Variants in MBOAT2 observed in about 807,000 individuals in gnomAD.
The protein encoded by MBOAT2 is membrane-bound glycerophospholipid O-acyltransferase 2.
Under a neutral mutation model 63.4 loss-of-function variants are expected in MBOAT2, and 28 were observed. The observed-to-expected ratio is 0.44, with a 90% CI of 0.33 to 0.61. The LOEUF (loss-of-function observed/expected upper bound fraction) is 0.61. Ranked by LOEUF, MBOAT2 falls within the 20% of genes least tolerant of loss-of-function variation. The pLI is 0.03. For missense variants in MBOAT2, 470 were observed against 605.8 expected, an observed-to-expected ratio of 0.78 and a Z score of 2.35; for synonymous variants, 211 against 215.6, an observed-to-expected ratio of 0.98 and a Z score of 0.19.
chr2:8,961,672 T>C (rs1350713384), intron 1 of MBOAT2, among the ~76,000 whole-genome samples: 1 of 152,236 alleles, frequency 6.6e-6, no homozygotes, highest in Non-Finnish European at 1.5e-5. Flanking sequence ...GTAACTGGTT[T>C]TCCTTTTGGT....
chr2:8,943,261 ATAC>A lies in MBOAT2; in HGVS notation c.222_224del (p.Trp74_Tyr75delinsCys). ...CACTTTGTACAAGAAAGTGTAAGGC[ATAC>A]CTATAAAAAGTAAGAGCACTATTAG... is the stretch of plus-strand genomic sequence containing the variant. On this transcript the variant is annotated inframe_deletion and splice_region_variant, in exon 3 of 13. Coordinates refer to ENST00000305997, the MANE Select transcript of MBOAT2 (RefSeq NM_138799.4). The A allele has an allele frequency of 6.4e-7, 1 of 1,557,560 alleles. No homozygotes were observed.
At chr2:8,886,818 A>G (rs889097927) in intron 5 of MBOAT2, among the ~76,000 whole-genome samples, 2 of 152,198 alleles carry the variant, frequency 1.3e-5, no homozygotes, top group Non-Finnish European at 2.9e-5. Context: ...GTGTCACAGG[A>G]GTAATCTGTT....
intron 3 of MBOAT2, among the ~76,000 whole-genome samples, chr2:8,938,435 T>A (rs1394345788): frequency 6.6e-6 from 1 of 152,140 alleles, no homozygotes; most frequent in Non-Finnish European, 1.5e-5. Context: ...TCAGGCTACT[T>A]ATTAAGGTGC....
intron 1 of MBOAT2, among the ~76,000 whole-genome samples, chr2:8,990,898 C>A (rs1671880872): frequency 6.6e-6 from 1 of 152,056 alleles, no homozygotes; most frequent in Non-Finnish European, 1.5e-5. Context: ...ATTACAGCAC[C>A]CAAAATTATA....
chr2:9,001,867 T>TGG (rs1260069952), intron 1 of MBOAT2, among the ~76,000 whole-genome samples: 1 of 151,918 alleles, frequency 6.6e-6, no homozygotes, highest in Middle Eastern at 3.2e-3. Context: ...GAAAGAAAGA[T>TGG]GGGGGAGAGA....
At chr2:8,922,805 T>C (rs569751516) in intron 3 of MBOAT2, among the ~76,000 whole-genome samples, 1 of 152,178 alleles carries the variant, frequency 6.6e-6, no homozygotes, top group East Asian at 1.9e-4. Context: ...ATCAAGTCCC[T>C]TGATGGCTCT....
At chr2:8,909,907 T>G (rs1036179003) in intron 3 of MBOAT2, among the ~76,000 whole-genome samples, 1 of 152,218 alleles carries the variant, frequency 6.6e-6, no homozygotes, top group Non-Finnish European at 1.5e-5. Context: ...TACACTCTTC[T>G]GCAGTCTGTC....
At chr2:8,981,800 G>A (rs765527333) in intron 1 of MBOAT2, among the ~76,000 whole-genome samples, 17 of 152,058 alleles carry the variant, frequency 1.1e-4, no homozygotes, top group Admixed American at 1.3e-4. Context: ...TTTGCTTTAG[G>A]GGTGTCCTAA....
intron 3 of MBOAT2, among the ~76,000 whole-genome samples, chr2:8,909,114 T>G (rs1195602551): frequency 1.3e-5 from 2 of 152,218 alleles, no homozygotes; most frequent in Non-Finnish European, 2.9e-5. Flanking sequence ...GAAAAAAACC[T>G]GTCCTCGATA....
chr2:8,895,393 T>C (rs964288619), intron 4 of MBOAT2, among the ~76,000 whole-genome samples: 5 of 152,164 alleles, frequency 3.3e-5, no homozygotes. Context: ...CTGACTGGTG[T>C]GTTTACAATC....
chr2:8,999,909 G>A (rs1232909525), intron 1 of MBOAT2, among the ~76,000 whole-genome samples: 1 of 152,086 alleles, frequency 6.6e-6, no homozygotes, highest in Non-Finnish European at 1.5e-5. Context: ...AATACCTCTG[G>A]AATTCTCAGT....
rs770361133 is a variant in MBOAT2, at chr2:8,928,565, G to C, written c.299+14622C>G. Among the ~76,000 whole-genome samples the C allele has an allele frequency of 3.3e-5, 5 of 152,092 alleles. No individual in the cohort carries two copies. In the Middle Eastern group the frequency reaches 0.01, roughly 310 times the overall value. ...AGAAACATAACTTACATAAATAATA[G>C]CCATTGATATATACCATATTACGAA... On this transcript the variant is annotated intron_variant, in intron 3 of 12. Coordinates refer to ENST00000305997, the MANE Select transcript of MBOAT2 (RefSeq NM_138799.4).
intron 1 of MBOAT2, among the ~76,000 whole-genome samples, chr2:8,962,676 C>T (rs1669697304): frequency 1.3e-5 from 2 of 149,490 alleles, no homozygotes. Context: ...AAAACTAAAA[C>T]TATATATATA....
At chr2:8,893,194 G>T (rs1664147546) in intron 4 of MBOAT2, among the ~76,000 whole-genome samples, 2 of 152,026 alleles carry the variant, frequency 1.3e-5, no homozygotes, top group South Asian at 4.2e-4. Context: ...ATTCTGAAAG[G>T]AAAGTCAATG....
intron 1 of MBOAT2, among the ~76,000 whole-genome samples, chr2:8,981,978 AAT>A (rs906900636): frequency 4.6e-5 from 7 of 152,162 alleles, no homozygotes; most frequent in African/African-American, 1.7e-4. Flanking sequence ...CTTAGATCCA[AAT>A]ATGAGTAGTG....
At chr2:8,984,376 T>C (rs1332005875) in intron 1 of MBOAT2, among the ~76,000 whole-genome samples, 1 of 152,204 alleles carries the variant, frequency 6.6e-6, no homozygotes, top group Non-Finnish European at 1.5e-5. Context: ...ATGGTTACGA[T>C]GGCAAATTTC....
chr2:8,936,300 T>G (rs2103218346), intron 3 of MBOAT2, among the ~76,000 whole-genome samples: 1 of 152,312 alleles, frequency 6.6e-6, no homozygotes, highest in South Asian at 2.1e-4. Context: ...CCATCTCCTT[T>G]ATCTTTGAGT....
chr2:8,869,637 G>T (rs1240093550), intron 8 of MBOAT2, among the ~76,000 whole-genome samples: 1 of 152,126 alleles, frequency 6.6e-6, no homozygotes, highest in East Asian at 1.9e-4. Flanking sequence ...TGGGGGAAAA[G>T]AATAAACAAG....
intron 6 of MBOAT2, among the ~76,000 whole-genome samples, chr2:8,878,637 T>C (rs1194043719): frequency 2.0e-5 from 3 of 152,214 alleles, no homozygotes; most frequent in Non-Finnish European, 4.4e-5. Flanking sequence ...ACACACCACC[T>C]TGCCTAGCTT....
Sources: allele counts gnomAD v4.1 joint callset (sites outside exome capture counted in the v4.1 genomes callset), GRCh38; gene constraint gnomAD v4.1.1; transcripts MANE v1.5; gene names NCBI Gene and HGNC (gene_info 2026-07-23, HGNC 2026-07-21).